The following ECE1 variants were observed in gnomAD, a reference collection of about 807,000 sequenced individuals.
ECE1 encodes endothelin converting enzyme 1.
ECE1 carries 35 observed loss-of-function variants against 98.6 expected under a neutral mutation model. The observed-to-expected ratio is 0.35, with a 90% confidence interval of 0.27 to 0.47. The LOEUF (loss-of-function observed/expected upper bound fraction) is 0.47. Among genes scored for constraint, ECE1 ranks in the 20% least tolerant of loss-of-function variants. The probability of loss-of-function intolerance (pLI) is 1.00; values close to 1 mark genes in which losing one functional copy is unlikely to be tolerated. For missense variants in ECE1, 814 were observed against 1,025.3 expected (o/e 0.79, Z 2.81); for synonymous variants, 394 against 407.1 (o/e 0.97, Z 0.39).
intron 1 of ECE1, among the ~76,000 whole-genome samples, chr1:21,311,996 G>A (rs760509963): frequency 3.3e-5 from 5 of 151,116 alleles, no homozygotes; most frequent in Non-Finnish European, 7.4e-5. Context: ...GGCAGTGCAT[G>A]CCTCTAATTC....
At chr1:21,229,847 G>C (rs1271864515) in intron 14 of ECE1, among the ~76,000 whole-genome samples, 2 of 152,166 alleles carry the variant, frequency 1.3e-5, no homozygotes, top group Admixed American at 6.6e-5. Context: ...GTGCAGGACA[G>C]ACCAATGGAA....
chr1:21,316,231 C>A (rs975918756), intron 1 of ECE1, among the ~76,000 whole-genome samples: 2 of 152,162 alleles, frequency 1.3e-5, no homozygotes, highest in Non-Finnish European at 2.9e-5. Flanking sequence ...AGTGAGGAAT[C>A]CCATGATGCC....
intron 2 of ECE1, among the ~76,000 whole-genome samples, chr1:21,282,549 C>T (rs2098255821): frequency 6.7e-6 from 1 of 148,512 alleles, no homozygotes; most frequent in South Asian, 2.1e-4. Flanking sequence ...GATCACGCCA[C>T]TGCACTCCAG....
intron 10 of ECE1, 90 bp downstream of exon 10, chr1:21,244,899 T>G: frequency 8.0e-7 from 1 of 1,251,216 alleles, no homozygotes; most frequent in Non-Finnish European, 1.2e-6. Flanking sequence ...CACCCCCAGC[T>G]GGCTGAGGTC....
chr1:21,272,556 T>G, intron 4 of ECE1, 143 bp downstream of exon 4: 1 of 1,006,150 alleles, frequency 9.9e-7, no homozygotes, highest in Non-Finnish European at 1.5e-6. Context: ...CCTCTCAAAG[T>G]GCTGGGATTA....
chr1:21,261,701 A>C (rs577650430), intron 4 of ECE1, among the ~76,000 whole-genome samples: 23 of 152,338 alleles, frequency 1.5e-4, no homozygotes, highest in African/African-American at 5.5e-4. Flanking sequence ...AATGACCACA[A>C]GACACGACAG....
chr1:21,257,518 C>A lies in ECE1; in HGVS notation c.828+7G>T, dbSNP rs773690635. Reference sequence around the variant, plus strand: ...GAGGCAGGCTGGGAGGGGAGAGGCACGCTTACCTTCTCGTTTTCAGTTTTG... The same window carrying A: ...GAGGCAGGCTGGGAGGGGAGAGGCAAGCTTACCTTCTCGTTTTCAGTTTTG... On this transcript the variant is annotated splice_region_variant and intron_variant, in intron 7 of 18. Transcript: ENST00000374893. The A allele has an allele frequency of 3.1e-6, 5 of 1,614,020 alleles. No homozygotes were observed. The Middle Eastern group carries it at 4.9e-4, about 159-fold the overall frequency.
intron 4 of ECE1, among the ~76,000 whole-genome samples, chr1:21,263,933 C>T (rs762073349): frequency 6.6e-6 from 1 of 152,178 alleles, no homozygotes; most frequent in African/African-American, 2.4e-5. Context: ...CTCCAGGGGA[C>T]AAGAGCCCAA....
intron 1 of ECE1, among the ~76,000 whole-genome samples, chr1:21,328,821 G>A (rs915293266): frequency 3.3e-5 from 5 of 149,926 alleles, no homozygotes; most frequent in African/African-American, 4.9e-5. Flanking sequence ...AAGCAACCAC[G>A]TTGGGTATTA....
chr1:21,255,392 C>T (rs574992133), intron 8 of ECE1, among the ~76,000 whole-genome samples: 11 of 152,330 alleles, frequency 7.2e-5, no homozygotes, highest in African/African-American at 2.4e-4. Context: ...CACCAGAGGG[C>T]AGCCTTTGGC....
Position 21,340,942 on chromosome 1 carries a change from C to G in ECE1, c.3+4434G>C, listed in dbSNP as rs201120365. 6.6e-6 allele frequency among the ~76,000 whole-genome samples: 1 copy of G among 151,892 alleles called. No homozygotes were observed. Among genetic ancestry groups the G allele is most frequent in the Non-Finnish European group, 1.5e-5 (1 of 67,960 alleles). ...TATGACCATCCCTGAGTGCACCCTCCGGGCCACCTCCTAAGCACAGTCCTC... is the reference window on the plus strand; with the variant it reads ...TATGACCATCCCTGAGTGCACCCTCGGGGCCACCTCCTAAGCACAGTCCTC... On this transcript the variant is annotated intron_variant, in intron 1 of 18. Transcript: ENST00000415912. This position sits in a 1 kb window ranked among gnomAD's most constrained non-coding sequence, Gnocchi z 4.6.
intron 14 of ECE1, among the ~76,000 whole-genome samples, chr1:21,230,770 A>G (rs1267938466): frequency 1.3e-5 from 2 of 152,214 alleles, no homozygotes; most frequent in South Asian, 2.1e-4. Flanking sequence ...TCTTTGATTA[A>G]GCCAGACATA....
chr1:21,228,154 C>A, intron 14 of ECE1, 113 bp from the exon 15 acceptor site: 1 of 747,790 alleles, frequency 1.3e-6, no homozygotes, highest in South Asian at 1.7e-5. Context: ...AATGCAGACT[C>A]TCCTTGACCC....
At chr1:21,241,423 GTTTT>G (rs1223983301) in intron 10 of ECE1, among the ~76,000 whole-genome samples, 1 of 133,380 alleles carries the variant, frequency 7.5e-6, no homozygotes, top group Admixed American at 7.6e-5. Flanking sequence ...TGGTTGAGGT[GTTTT>G]TTTTTTTTTT....
intron 3 of ECE1, among the ~76,000 whole-genome samples, chr1:21,275,963 A>G (rs1358808721): frequency 2.0e-5 from 3 of 146,602 alleles, no homozygotes; most frequent in African/African-American, 7.7e-5. Context: ...CCAATATCCT[A>G]TGCGTTTTTA....
At chr1:21,320,909 T>C (rs1009005763) in intron 1 of ECE1, among the ~76,000 whole-genome samples, 1 of 152,220 alleles carries the variant, frequency 6.6e-6, no homozygotes, top group Non-Finnish European at 1.5e-5. Context: ...GCTGTGATGG[T>C]CTTCCCTTGC....
At chr1:21,282,637 G>C (rs1407028905) in intron 2 of ECE1, among the ~76,000 whole-genome samples, 1 of 151,480 alleles carries the variant, frequency 6.6e-6, no homozygotes, top group Non-Finnish European at 1.5e-5. Flanking sequence ...GTACCCCTGT[G>C]CCTGGTGCTG....
At chr1:21,240,623 C>T (rs1305045898) in intron 10 of ECE1, among the ~76,000 whole-genome samples, 3 of 152,196 alleles carry the variant, frequency 2.0e-5, no homozygotes, top group Non-Finnish European at 2.9e-5. Context: ...TCTTCTTACC[C>T]ATGTTCTTTT....
At chr1:21,303,671 C>G (rs1638533506) in intron 1 of ECE1, among the ~76,000 whole-genome samples, 1 of 152,148 alleles carries the variant, frequency 6.6e-6, no homozygotes, top group Non-Finnish European at 1.5e-5. Flanking sequence ...TTTTTTGAGA[C>G]AGGGTCTCAA....
Sources: gnomAD v4.1 joint callset for allele counts (sites outside exome capture counted in the v4.1 genomes callset) on GRCh38, gnomAD v4.1.1 for gene constraint, Gnocchi (gnomAD v3.1) non-coding constraint, MANE v1.5 for transcripts, NCBI Gene and HGNC (gene_info 2026-07-23, HGNC 2026-07-21) for gene names.